TMEM132C: variants seen among roughly 807,000 people sequenced by gnomAD.
TMEM132C encodes protein phosphatase 1, regulatory subunit 152.
A neutral mutation model predicts 61.4 loss-of-function variants in TMEM132C; 29 were observed. That is an observed-to-expected ratio of 0.47 (90% CI 0.35 to 0.64). The LOEUF (loss-of-function observed/expected upper bound fraction) is 0.64, where lower values mean the gene tolerates loss of function less well. Among genes scored for constraint, TMEM132C ranks in the 30% least tolerant of loss-of-function variants. The pLI is 0.00. For synonymous variants in TMEM132C, 656 were observed against 633.1 expected, an observed-to-expected ratio of 1.04 and a Z score of -0.54; for missense variants, 1,408 against 1,476.9, an observed-to-expected ratio of 0.95 and a Z score of 0.76.
At chr12:128,488,957 C>T (rs1024255228) in intron 2 of TMEM132C, among the ~76,000 whole-genome samples, 1 of 152,022 alleles carries the variant, frequency 6.6e-6, no homozygotes, top group Non-Finnish European at 1.5e-5. Context: ...ATAAAGGTTG[C>T]GATTCTTCAT....
At chr12:128,303,990 G>A (rs937022893) in intron 1 of TMEM132C, among the ~76,000 whole-genome samples, 1 of 152,006 alleles carries the variant, frequency 6.6e-6, no homozygotes, top group East Asian at 1.9e-4. Context: ...AACTAACCTG[G>A]TAGTTGGGAC....
chr12:128,406,984 A>T (rs1379611485), intron 1 of TMEM132C, among the ~76,000 whole-genome samples: 1 of 152,220 alleles, frequency 6.6e-6, no homozygotes, highest in East Asian at 1.9e-4. Context: ...ACCCCATAAG[A>T]TTGTTGTGAA....
Position 128,629,486 on chromosome 12 carries a change from C to A in TMEM132C, c.1305+13151C>A, listed in dbSNP as rs554992919. Among the ~76,000 whole-genome samples the A allele has an allele frequency of 1.6e-4, 24 of 151,856 alleles. No individual in the cohort carries two copies. The South Asian group carries it at 1.9e-3, about 12-fold the overall frequency. On this transcript the variant is annotated intron_variant, in intron 4 of 8. Transcript: ENST00000435159. The stretch of plus-strand genomic sequence containing the variant: ...GATCCTGTCTCAAAACAAAAAAAAA[C>A]CAATATGATTCCACTAATATGAGGT...
At chr12:128,696,447 C>T (rs1480607494) in intron 7 of TMEM132C, among the ~76,000 whole-genome samples, 1 of 152,198 alleles carries the variant, frequency 6.6e-6, no homozygotes, top group African/African-American at 2.4e-5. Context: ...CCATGGTCTT[C>T]TCTATGTACC....
intron 5 of TMEM132C, among the ~76,000 whole-genome samples, chr12:128,673,850 A>G (rs2135634071): frequency 6.6e-6 from 1 of 152,364 alleles, no homozygotes; most frequent in South Asian, 2.1e-4. Flanking sequence ...AACAGAGAAC[A>G]TGACCTAGTA....
chr12:128,388,961 C>T (rs967183536), intron 1 of TMEM132C, among the ~76,000 whole-genome samples: 2 of 152,120 alleles, frequency 1.3e-5, no homozygotes, highest in African/African-American at 2.4e-5. Flanking sequence ...GAAGTCTGTG[C>T]GGGCAACAGA....
chr12:128,704,127 A>G (rs1424212751), intron 8 of TMEM132C, among the ~76,000 whole-genome samples: 1 of 152,230 alleles, frequency 6.6e-6, no homozygotes, highest in Non-Finnish European at 1.5e-5. Flanking sequence ...CTAGGCCAGT[A>G]GCTTCCCCTT....
At chr12:128,604,656 G>T (rs963231235) in intron 3 of TMEM132C, among the ~76,000 whole-genome samples, 2 of 151,944 alleles carry the variant, frequency 1.3e-5, no homozygotes, top group African/African-American at 4.8e-5. Flanking sequence ...ATAGACAGAT[G>T]AAACAAATGG....
chr12:128,497,465 A>G (rs1403828265), intron 2 of TMEM132C, among the ~76,000 whole-genome samples: 1 of 152,072 alleles, frequency 6.6e-6, no homozygotes, highest in South Asian at 2.1e-4. Flanking sequence ...TCCTTGAGCT[A>G]TGGTGGGCTC....
chr12:128,561,649 T>C (rs573844963), intron 3 of TMEM132C, among the ~76,000 whole-genome samples: 63 of 152,366 alleles, frequency 4.1e-4, no homozygotes, highest in South Asian at 1.9e-3. Context: ...AAGTATTCAG[T>C]TGCAACTATG....
rs547695300 is a variant in TMEM132C at position 128,587,302 on chromosome 12, A to G, written c.1122-28850A>G. Among the ~76,000 whole-genome samples the G allele has an allele frequency of 7.9e-5, 12 of 152,318 alleles. 1 individual carries two copies. Among genetic ancestry groups the G allele is most frequent in the African/African-American group, 2.9e-4 (12 of 41,566 alleles). On this transcript the variant is annotated intron_variant, in intron 3 of 8. Transcript: ENST00000435159. ...GGAAGTTCAAGAGCAAAGTGCCAGG[A>G]CATTCTGTATCCGGTGAGGGCTCCC...
intron 1 of TMEM132C, among the ~76,000 whole-genome samples, chr12:128,384,970 G>A (rs879113213): frequency 6.6e-6 from 1 of 152,214 alleles, no homozygotes; most frequent in Non-Finnish European, 1.5e-5. Flanking sequence ...TCACATTCAC[G>A]TCTGTCAAAG....
chr12:128,379,747 C>T (rs1175778226), intron 1 of TMEM132C, among the ~76,000 whole-genome samples: 1 of 152,232 alleles, frequency 6.6e-6, no homozygotes, highest in Non-Finnish European at 1.5e-5. Flanking sequence ...TCTGTAAAGA[C>T]CCCTTTCCCA....
At chr12:128,511,525 G>A (rs576942098) in intron 2 of TMEM132C, among the ~76,000 whole-genome samples, 77 of 152,338 alleles carry the variant, frequency 5.1e-4, no homozygotes, top group African/African-American at 1.7e-3. Flanking sequence ...AGAAGCATGT[G>A]GGGCAGAGTC....
chr12:128,275,982 G>A (rs777023034), intron 1 of TMEM132C, among the ~76,000 whole-genome samples: 6 of 152,190 alleles, frequency 3.9e-5, no homozygotes, highest in South Asian at 4.1e-4. Context: ...CTTTGCCTCC[G>A]TCTTCACATG....
chr12:128,639,503 A>T (rs1954139581), intron 4 of TMEM132C, among the ~76,000 whole-genome samples: 1 of 152,212 alleles, frequency 6.6e-6, no homozygotes, highest in Non-Finnish European at 1.5e-5. Context: ...ATAGCCAAAA[A>T]TCAGATCTGA....
chr12:128,609,101 C>T (rs1008882380), intron 3 of TMEM132C, among the ~76,000 whole-genome samples: 13 of 151,924 alleles, frequency 8.6e-5, no homozygotes, highest in African/African-American at 3.1e-4. Flanking sequence ...ACTGTAACCT[C>T]TGCCTCCCTG....
chr12:128,428,940 CATT>C (rs1869289681), intron 2 of TMEM132C, among the ~76,000 whole-genome samples: 1 of 152,136 alleles, frequency 6.6e-6, no homozygotes, highest in African/African-American at 2.4e-5. Context: ...ATTTTCAATG[CATT>C]ATTATTTTTA....
chr12:128,689,693 A>T (rs1954704503), intron 5 of TMEM132C, among the ~76,000 whole-genome samples: 1 of 152,186 alleles, frequency 6.6e-6, no homozygotes, highest in Non-Finnish European at 1.5e-5. Context: ...TTGTCAGCAC[A>T]GAGATGCACT....
Sources: gnomAD v4.1 joint callset for allele counts (sites outside exome capture counted in the v4.1 genomes callset) on GRCh38, gnomAD v4.1.1 for gene constraint, MANE v1.5 for transcripts, NCBI Gene and HGNC (gene_info 2026-07-23, HGNC 2026-07-21) for gene names.